Variants in BORCS5 observed in about 807,000 individuals in gnomAD.
The protein encoded by BORCS5 is BLOC-1-related complex subunit 5.
Under a neutral mutation model 22.1 loss-of-function variants are expected in BORCS5, and 17 were observed. The ratio of observed to expected loss-of-function variants is 0.77; its 90% CI spans 0.53 to 1.15. The LOEUF (loss-of-function observed/expected upper bound fraction) is 1.15. BORCS5 is among the 50% of genes most tolerant of loss of function. The probability of loss-of-function intolerance (pLI) is 0.00; values close to 1 mark genes in which losing one functional copy is unlikely to be tolerated. For missense variants in BORCS5, 247 were observed against 253.2 expected, an observed-to-expected ratio of 0.98 and a Z score of 0.17; for synonymous variants, 117 against 99.8, an observed-to-expected ratio of 1.17 and a Z score of -1.03.
intron 2 of BORCS5, among the ~76,000 whole-genome samples, chr12:12,376,775 A>G (rs996078284): frequency 3.3e-5 from 5 of 152,304 alleles, no homozygotes; most frequent in African/African-American, 2.4e-5. Flanking sequence ...TGTAGTAATT[A>G]AATTTATAGC....
At chr12:12,428,119 T>C (rs1439451588) in intron 2 of BORCS5, among the ~76,000 whole-genome samples, 1 of 152,216 alleles carries the variant, frequency 6.6e-6, no homozygotes, top group Non-Finnish European at 1.5e-5. Flanking sequence ...TGTCCCAATA[T>C]TTGTAATACT....
intron 1 of BORCS5, among the ~76,000 whole-genome samples, chr12:12,360,997 A>G (rs1863271338): frequency 6.6e-6 from 1 of 152,234 alleles, no homozygotes; most frequent in South Asian, 2.1e-4. Flanking sequence ...CTAAGATTAC[A>G]TGCATGAGCC....
At chr12:12,362,662 T>TTTTTTTTG (rs869063824) in intron 2 of BORCS5, among the ~76,000 whole-genome samples, 1 of 143,340 alleles carries the variant, frequency 7.0e-6, no homozygotes, top group Non-Finnish European at 1.5e-5. Context: ...TTTTTTTTTT[T>TTTTTTTTG]AGAGTTTTGC....
At chr12:12,385,648 T>G (rs1863863642) in intron 2 of BORCS5, among the ~76,000 whole-genome samples, 2 of 151,336 alleles carry the variant, frequency 1.3e-5, no homozygotes, top group South Asian at 4.2e-4. Context: ...TAGCTGGGAC[T>G]GCAGGAGCAC....
intron 2 of BORCS5, among the ~76,000 whole-genome samples, chr12:12,410,418 G>A (rs1183592110): frequency 6.6e-6 from 1 of 152,200 alleles, no homozygotes; most frequent in East Asian, 1.9e-4. Flanking sequence ...GTGTAAGGAA[G>A]GGATCCAGTT....
chr12:12,364,605 T>C (rs1863365379), intron 2 of BORCS5, among the ~76,000 whole-genome samples: 1 of 47,464 alleles, frequency 2.1e-5, no homozygotes, highest in South Asian at 1.9e-3. Context: ...ATTCGTTTTA[T>C]GATTAATCAC....
intron 2 of BORCS5, among the ~76,000 whole-genome samples, chr12:12,390,134 T>A (rs761364981): frequency 6.6e-6 from 1 of 152,156 alleles, no homozygotes; most frequent in Non-Finnish European, 1.5e-5. Flanking sequence ...TAGATTCCTT[T>A]AATCTATCAT....
At chr12:12,448,952 C>T (rs533737480) in intron 3 of BORCS5, among the ~76,000 whole-genome samples, 1 of 152,334 alleles carries the variant, frequency 6.6e-6, no homozygotes, top group East Asian at 1.9e-4. Context: ...GTATACTTAG[C>T]ATCTCAAAAG....
At chr12:12,374,305 T>C (rs1021695824) in intron 2 of BORCS5, among the ~76,000 whole-genome samples, 3 of 151,742 alleles carry the variant, frequency 2.0e-5, no homozygotes, top group Non-Finnish European at 4.4e-5. Context: ...GTATTCTTAG[T>C]TTAAAAGTCT....
intron 2 of BORCS5, among the ~76,000 whole-genome samples, chr12:12,369,906 G>A (rs559461475): frequency 6.6e-6 from 1 of 150,928 alleles, no homozygotes; most frequent in African/African-American, 2.4e-5. Flanking sequence ...TTTATTTTTA[G>A]TAGAGATGGG....
At chr12:12,443,117 C>T (rs954020732) in intron 3 of BORCS5, among the ~76,000 whole-genome samples, 3 of 152,204 alleles carry the variant, frequency 2.0e-5, no homozygotes, top group African/African-American at 4.8e-5. Context: ...CTGTTGCTAT[C>T]GCCCTGACAC....
chr12:12,458,912 C>CA (rs918781669), intron 3 of BORCS5, among the ~76,000 whole-genome samples: 2 of 150,800 alleles, frequency 1.3e-5, no homozygotes, highest in Admixed American at 6.6e-5. Flanking sequence ...GTGGAGGTTG[C>CA]AGTGAGTCAA....
At chr12:12,441,870 C>G (rs1226862839) in intron 3 of BORCS5, among the ~76,000 whole-genome samples, 1 of 152,102 alleles carries the variant, frequency 6.6e-6, no homozygotes, top group Non-Finnish European at 1.5e-5. Flanking sequence ...GAACATGGGT[C>G]TTGAGAAATG....
intron 2 of BORCS5, among the ~76,000 whole-genome samples, chr12:12,431,471 C>T (rs1330424918): frequency 1.4e-5 from 2 of 138,738 alleles, no homozygotes; most frequent in Admixed American, 8.0e-5. Context: ...GGCATGATCG[C>T]GGCTCACTGC....
chr12:12,392,045 CAAA>C (rs61408318), intron 2 of BORCS5, among the ~76,000 whole-genome samples: 1 of 66,854 alleles, frequency 1.5e-5, no homozygotes, highest in African/African-American at 6.0e-5. Context: ...GACTTCATTT[CAAA>C]AAAAAAAAAA....
intron 3 of BORCS5, among the ~76,000 whole-genome samples, chr12:12,455,895 A>G (rs1942991361): frequency 6.6e-6 from 1 of 151,950 alleles, no homozygotes; most frequent in East Asian, 1.9e-4. Flanking sequence ...GATCATATGG[A>G]TGTGAATTTT....
chr12:12,416,453 T>G (rs575912830), intron 2 of BORCS5, among the ~76,000 whole-genome samples: 14 of 152,060 alleles, frequency 9.2e-5, no homozygotes, highest in African/African-American at 2.9e-4. Flanking sequence ...TTATTTTATT[T>G]TATTTTTTAG....
intron 3 of BORCS5, among the ~76,000 whole-genome samples, chr12:12,451,034 A>G (rs947179785): frequency 6.6e-6 from 1 of 152,242 alleles, no homozygotes; most frequent in Non-Finnish European, 1.5e-5. Context: ...ACCAAAAGAA[A>G]TAGTCCTCCA....
At chr12:12,442,931 C>G (rs1942714142) in intron 3 of BORCS5, among the ~76,000 whole-genome samples, 1 of 152,154 alleles carries the variant, frequency 6.6e-6, no homozygotes, top group African/African-American at 2.4e-5. Flanking sequence ...AGTCATTTTC[C>G]AAGTATTTGA....
Sources: allele counts gnomAD v4.1 joint callset (sites outside exome capture counted in the v4.1 genomes callset), GRCh38; gene constraint gnomAD v4.1.1; transcripts MANE v1.5; gene names NCBI Gene and HGNC (gene_info 2026-07-23, HGNC 2026-07-21).